The following SUCLG2 variants were observed in gnomAD, a reference collection of about 807,000 sequenced individuals.
SUCLG2 encodes succinate--CoA ligase [GDP-forming] subunit beta, mitochondrial.
In SUCLG2, 42 loss-of-function variants were observed where a neutral mutation model predicts 47.9. That is an observed-to-expected ratio of 0.88 (90% CI 0.69 to 1.14). The LOEUF (loss-of-function observed/expected upper bound fraction) is 1.14, where lower values mean the gene tolerates loss of function less well. Ranked by LOEUF, SUCLG2 falls within the 50% of genes most tolerant of loss-of-function variation. SUCLG2 has a pLI of 0.00. For synonymous variants in SUCLG2, 195 were observed against 197.3 expected (o/e 0.99, Z 0.10); for missense variants, 571 against 525.9 (o/e 1.09, Z -0.84).
intron 9 of SUCLG2, among the ~76,000 whole-genome samples, chr3:67,426,187 C>A (rs34483858): frequency 0.034 from 5,108 of 152,118 alleles, 113 homozygotes; most frequent in African/African-American, 0.058. Flanking sequence ...ATAAAAAAAA[C>A]AAGCAAACAA....
chr3:67,468,110 C>A (rs1704518509), intron 9 of SUCLG2, among the ~76,000 whole-genome samples: 1 of 152,130 alleles, frequency 6.6e-6, no homozygotes, highest in African/African-American at 2.4e-5. Flanking sequence ...AGCAGGGAGT[C>A]TGGCCTCTGA....
At chr3:67,635,193 T>C (rs1700989002) in intron 1 of SUCLG2, among the ~76,000 whole-genome samples, 1 of 152,154 alleles carries the variant, frequency 6.6e-6, no homozygotes, top group Non-Finnish European at 1.5e-5. Context: ...GACACACCAG[T>C]AATTGTGCAA....
intron 9 of SUCLG2, among the ~76,000 whole-genome samples, chr3:67,429,380 C>A (rs181220420): frequency 2.0e-5 from 3 of 152,094 alleles, no homozygotes; most frequent in African/African-American, 7.2e-5. Flanking sequence ...GAAATAAAAT[C>A]CTTTACGGGC....
chr3:67,407,750 T>C (rs951428781), intron 9 of SUCLG2, among the ~76,000 whole-genome samples: 1 of 152,144 alleles, frequency 6.6e-6, no homozygotes, highest in Non-Finnish European at 1.5e-5. Flanking sequence ...CATGTTTATA[T>C]TAGCCAAGAT....
chr3:67,619,535 A>G (rs1307980800), intron 1 of SUCLG2, among the ~76,000 whole-genome samples: 1 of 152,214 alleles, frequency 6.6e-6, no homozygotes, highest in African/African-American at 2.4e-5. Context: ...ATTTCACTGC[A>G]GGAAGGTACA....
intron 9 of SUCLG2, among the ~76,000 whole-genome samples, chr3:67,486,711 A>G (rs1286294118): frequency 6.6e-6 from 1 of 152,154 alleles, no homozygotes; most frequent in African/African-American, 2.4e-5. Context: ...ATTCAATACT[A>G]TGCTTGGGGG....
intron 8 of SUCLG2, among the ~76,000 whole-genome samples, chr3:67,496,999 A>T: frequency 6.6e-6 from 1 of 152,196 alleles, no homozygotes; most frequent in East Asian, 1.9e-4. Context: ...TGGTCAAACC[A>T]TGCACATTCC....
intron 2 of SUCLG2, among the ~76,000 whole-genome samples, chr3:67,549,718 T>C (rs1246913497): frequency 6.6e-6 from 1 of 152,170 alleles, no homozygotes; most frequent in African/African-American, 2.4e-5. Context: ...GGGAAAAGCT[T>C]AGCATAGTGC....
chr3:67,374,542 T>C (rs1342228572), downstream of SUCLG2, among the ~76,000 whole-genome samples: 1 of 152,042 alleles, frequency 6.6e-6, no homozygotes, highest in Non-Finnish European at 1.5e-5. Flanking sequence ...ATGGATTCAA[T>C]AATCTCCTAA....
At chr3:67,469,732 C>G (rs928043735) in intron 9 of SUCLG2, among the ~76,000 whole-genome samples, 11 of 150,078 alleles carry the variant, frequency 7.3e-5, no homozygotes, top group African/African-American at 2.7e-4. Context: ...CCGTCTCAAA[C>G]TAATAATAAT....
intron 9 of SUCLG2, among the ~76,000 whole-genome samples, chr3:67,419,689 T>C (rs1245421442): frequency 1.3e-5 from 2 of 152,136 alleles, no homozygotes; most frequent in African/African-American, 4.8e-5. Context: ...CTCCTCCTTG[T>C]CAAAAATAAG....
At chr3:67,610,862 C>A (rs944954357) in intron 1 of SUCLG2, among the ~76,000 whole-genome samples, 1 of 152,194 alleles carries the variant, frequency 6.6e-6, no homozygotes, top group Non-Finnish European at 1.5e-5. Context: ...ATGATGTATT[C>A]ATGGAGCTCT....
At chr3:67,634,460 T>C (rs970008946) in intron 1 of SUCLG2, among the ~76,000 whole-genome samples, 10 of 152,214 alleles carry the variant, frequency 6.6e-5, no homozygotes, top group Non-Finnish European at 1.3e-4. Flanking sequence ...ATTTCAAGAA[T>C]TCTGGTGCAA....
intron 9 of SUCLG2, among the ~76,000 whole-genome samples, chr3:67,487,220 C>T (rs1390458327): frequency 6.6e-6 from 1 of 151,988 alleles, no homozygotes; most frequent in Non-Finnish European, 1.5e-5. Flanking sequence ...CCATTTTTGA[C>T]TTGAAATTGT....
intron 9 of SUCLG2, among the ~76,000 whole-genome samples, chr3:67,428,395 G>A (rs564448407): frequency 6.6e-6 from 1 of 152,288 alleles, no homozygotes; most frequent in African/African-American, 2.4e-5. Context: ...ACTGTTAGAA[G>A]GAAAACTAAC....
At chr3:67,377,215 T>C (rs1424930306) in intron 10 of SUCLG2, among the ~76,000 whole-genome samples, 1 of 152,228 alleles carries the variant, frequency 6.6e-6, no homozygotes, top group African/African-American at 2.4e-5. Flanking sequence ...GTGTCAGAGA[T>C]GGGACTTGAA....
chr3:67,624,328 T>G (rs1700786104), intron 1 of SUCLG2, among the ~76,000 whole-genome samples: 1 of 152,236 alleles, frequency 6.6e-6, no homozygotes, highest in South Asian at 2.1e-4. Flanking sequence ...GAATGTTCTC[T>G]GTGCAGAATG....
intron 1 of SUCLG2, among the ~76,000 whole-genome samples, chr3:67,638,727 G>A (rs1016113766): frequency 5.3e-5 from 8 of 152,256 alleles, no homozygotes; most frequent in Non-Finnish European, 8.8e-5. Context: ...GAGTCTGACA[G>A]GTGGGTGTTC....
intron 10 of SUCLG2, 113 bp downstream of exon 10, chr3:67,400,618 A>G: frequency 6.9e-7 from 1 of 1,452,790 alleles, no homozygotes. Context: ...GTTTCATCTT[A>G]CACAATCTAG....
Sources: gnomAD v4.1 joint callset for allele counts (sites outside exome capture counted in the v4.1 genomes callset) on GRCh38, gnomAD v4.1.1 for gene constraint, MANE v1.5 for transcripts, NCBI Gene and HGNC (gene_info 2026-07-23, HGNC 2026-07-21) for gene names.